The following UPRT variants were observed in gnomAD, a reference collection of about 807,000 sequenced individuals.
UPRT encodes the protein RP11-311P8.3.
A neutral mutation model predicts 22.6 loss-of-function variants in UPRT; 5 were observed. That is an observed-to-expected ratio of 0.22 (90% CI 0.12 to 0.47). The LOEUF (loss-of-function observed/expected upper bound fraction) is 0.47. Ranked by LOEUF, UPRT falls within the 20% of genes least tolerant of loss-of-function variation. The pLI is 0.99. For missense variants in UPRT, 181 were observed against 239.9 expected (o/e 0.75, Z 1.62); for synonymous variants, 77 against 87.7 (o/e 0.88, Z 0.68).
At chrX:75,214,232 C>T (rs1405202740) in intron 4 of UPRT, among the ~76,000 whole-genome samples, 1 of 112,306 alleles carries the variant, frequency 8.9e-6, no homozygotes. Context: ...AAATAACACA[C>T]GAGCCAAAGA....
intron 4 of UPRT, among the ~76,000 whole-genome samples, chrX:75,220,943 T>C (rs5981816): frequency 0.032 from 3,568 of 111,966 alleles, 148 homozygotes; most frequent in African/African-American, 0.11. Context: ...TCTTGTTGCT[T>C]ATTAACATCA....
chrX:75,178,961 G>A (rs12689464), intron 4 of UPRT, among the ~76,000 whole-genome samples: 2 of 111,658 alleles, frequency 1.8e-5, no homozygotes, highest in East Asian at 5.6e-4. Context: ...TTTTGACAGG[G>A]CGCTGATTGG....
chrX:75,237,699 C>T (rs1325837725), intron 4 of UPRT, among the ~76,000 whole-genome samples: 1 of 104,197 alleles, frequency 9.6e-6, no homozygotes, highest in East Asian at 3.1e-4. Context: ...ATCGCAAGAA[C>T]AAAAAACCAA....
intron 4 of UPRT, among the ~76,000 whole-genome samples, chrX:75,186,600 C>T (rs1015761474): frequency 2.6e-4 from 29 of 111,549 alleles, no homozygotes; most frequent in Non-Finnish European, 3.2e-4. Flanking sequence ...TCTCATTGAT[C>T]TGTCTAATGT....
At chrX:75,234,355 C>A (rs2082451577) in intron 4 of UPRT, among the ~76,000 whole-genome samples, 1 of 111,165 alleles carries the variant, frequency 9.0e-6, no homozygotes, top group Non-Finnish European at 1.9e-5. Context: ...TAACACCCCA[C>A]TGTCAACATT....
At chrX:75,262,154 T>C (rs956250301) in intron 4 of UPRT, among the ~76,000 whole-genome samples, 3 of 111,621 alleles carry the variant, frequency 2.7e-5, no homozygotes, top group African/African-American at 6.5e-5. Flanking sequence ...AAAAGAATTT[T>C]CAACCCAGAA....
intron 4 of UPRT, among the ~76,000 whole-genome samples, chrX:75,257,896 C>G (rs1485402993): frequency 5.4e-5 from 6 of 111,442 alleles, no homozygotes; most frequent in Non-Finnish European, 1.1e-4. Flanking sequence ...CCCGGTCCCT[C>G]TCACTGGGAC....
intron 4 of UPRT, among the ~76,000 whole-genome samples, chrX:75,229,599 A>G (rs1396986018): frequency 1.8e-5 from 2 of 111,964 alleles, no homozygotes; most frequent in African/African-American, 6.5e-5. Context: ...CTACTGGGGA[A>G]CCTGAAAATC....
At position 75,235,931 on chromosome X, in the gene UPRT, T is replaced by C. The variant is rs768990246; in HGVS notation, c.-446-55093T>C. ...CTCACCACTCCTATTCAACATTGTG[T>C]TGGAAGTTCTGGCCAGGGCAATGAG... On this transcript the variant is annotated intron_variant, in intron 4 of 13. Coordinates refer to the UPRT transcript ENST00000652605. 2.7e-5 allele frequency among the ~76,000 whole-genome samples: 3 copies of C among 111,360 alleles called. No homozygotes were observed. The East Asian group carries it at 8.4e-4, about 31-fold the overall frequency.
chrX:75,290,769 G>A (rs991281009), intron 1 of UPRT, among the ~76,000 whole-genome samples: 2 of 109,882 alleles, frequency 1.8e-5, no homozygotes, highest in African/African-American at 6.6e-5. Flanking sequence ...CATGAAGATG[G>A]CAACAGTAGA....
chrX:75,258,088 A>G (rs1273255547), intron 4 of UPRT, among the ~76,000 whole-genome samples: 2 of 109,955 alleles, frequency 1.8e-5, no homozygotes, highest in African/African-American at 3.3e-5. Context: ...AGTCTTCACA[A>G]CCTGCAGACC....
At chrX:75,258,336 C>T (rs936387926) in intron 4 of UPRT, among the ~76,000 whole-genome samples, 6 of 109,170 alleles carry the variant, frequency 5.5e-5, no homozygotes, top group Non-Finnish European at 1.1e-4. Flanking sequence ...TTGGCAGGTC[C>T]CACCCCCATG....
intron 4 of UPRT, among the ~76,000 whole-genome samples, chrX:75,188,846 C>G (rs1411593580): frequency 8.9e-6 from 1 of 112,095 alleles, no homozygotes; most frequent in Non-Finnish European, 1.9e-5. Flanking sequence ...ACCCCCTTCG[C>G]TTCCCGAGTG....
intron 4 of UPRT, among the ~76,000 whole-genome samples, chrX:75,229,660 G>A (rs959229714): frequency 7.2e-5 from 8 of 111,731 alleles, no homozygotes; most frequent in African/African-American, 2.3e-4. Flanking sequence ...ACAGATTTAG[G>A]GAGCTGAGTG....
intron 2 of UPRT, among the ~76,000 whole-genome samples, chrX:75,163,057 G>T (rs1055363332): frequency 4.5e-5 from 5 of 111,909 alleles, no homozygotes; most frequent in Non-Finnish European, 9.4e-5. Context: ...ATCAGCCAGG[G>T]CTGCAATCTC....
At chrX:75,168,128 A>G (rs1569257215) in intron 4 of UPRT, among the ~76,000 whole-genome samples, 1 of 111,920 alleles carries the variant, frequency 8.9e-6, no homozygotes, top group Non-Finnish European at 1.9e-5. Context: ...TTCCTTTCCC[A>G]TCGCACTTTT....
chrX:75,216,986 C>T (rs763754053), intron 4 of UPRT, among the ~76,000 whole-genome samples: 2 of 111,837 alleles, frequency 1.8e-5, no homozygotes, highest in South Asian at 3.8e-4. Flanking sequence ...GATCTCCTGA[C>T]CTCATGATCC....
chrX:75,240,754 A>G (rs1208160932), intron 4 of UPRT, among the ~76,000 whole-genome samples: 1 of 111,936 alleles, frequency 8.9e-6, no homozygotes, highest in African/African-American at 3.2e-5. Flanking sequence ...GCAGCATAAT[A>G]GGGAACCCAG....
Position 75,166,590 on chromosome X carries a change from T to A in UPRT, c.-520-1216T>A, listed in dbSNP as rs190768287. 6.4e-3 allele frequency among the ~76,000 whole-genome samples: 714 copies of A among 111,982 alleles called. 10 individuals carry two copies. The highest frequency in any genetic ancestry group is 0.022 in the African/African-American group (677 of 30,825). On this transcript the variant is annotated intron_variant, in intron 3 of 13. Transcript: ENST00000652605. ...AGCCTTCTTTCCAATTCTTTTTTTT[T>A]AACATTTTTATTGTGAATAATGTAA...
Sources: allele counts gnomAD v4.1 joint callset (sites outside exome capture counted in the v4.1 genomes callset), GRCh38; gene constraint gnomAD v4.1.1; transcripts MANE v1.5; gene names NCBI Gene and HGNC (gene_info 2026-07-23, HGNC 2026-07-21).